The following COMMD6 variants were observed in gnomAD, a reference collection of about 807,000 sequenced individuals.
COMMD6 encodes COMM domain containing 6.
A neutral mutation model predicts 13.4 loss-of-function variants in COMMD6; 11 were observed. That is an observed-to-expected ratio of 0.82 (90% CI 0.52 to 1.36). COMMD6 has a LOEUF of 1.36. COMMD6 is among the 40% of genes most tolerant of loss of function. The pLI, the probability that COMMD6 is intolerant of heterozygous loss-of-function variation, is 0.00. For synonymous variants in COMMD6, 43 were observed against 36.5 expected (o/e 1.18, Z -0.64); for missense variants, 124 against 102.4 (o/e 1.21, Z -0.91).
upstream of COMMD6, among the ~76,000 whole-genome samples, chr13:75,539,174 T>C (rs1407999703): frequency 6.6e-6 from 1 of 152,036 alleles, no homozygotes; most frequent in Non-Finnish European, 1.5e-5. Flanking sequence ...CTGAAAAAAT[T>C]CTCTGTTTCT....
intron 3 of COMMD6, chr13:75,527,717 C>T: frequency 8.2e-7 from 1 of 1,221,538 alleles, no homozygotes; most frequent in Non-Finnish European, 1.0e-6. Flanking sequence ...ATGGATGAAC[C>T]TGGAGGACAT....
chr13:75,529,520 C>CAAAAAAAAAAAAAAA (rs58073558), intron 3 of COMMD6, among the ~76,000 whole-genome samples: 2 of 104,632 alleles, frequency 1.9e-5, no homozygotes, highest in African/African-American at 7.4e-5. Flanking sequence ...GACTCCGTCT[C>CAAAAAAAAAAAAAAA]AAAAAAAAAA....
Position 75,525,387 on chromosome 13 carries a change from A to G in COMMD6, c.*1202T>C, listed in dbSNP as rs556180559. The G allele has an allele frequency of 1.2e-4, 19 of 152,300 alleles. No individual in the cohort carries two copies. The highest frequency in any genetic ancestry group is 4.6e-4 in the African/African-American group (19 of 41,564). 9.4% of individuals were successfully genotyped at this position (152,300 alleles called of 1,614,324 possible). A position where few individuals can be genotyped will look rare whatever the true frequency, so the allele number is the denominator to read the frequency against. On this transcript the variant is annotated 3_prime_UTR_variant, in exon 4 of 4. Coordinates refer to ENST00000682242, the MANE Select transcript of COMMD6 (RefSeq NM_203495.4). ...AGTGGGAGACAGAGGAACCTCATGCACAGTTACAGAAGGCAGGTTTGCTGT... is the reference window on the plus strand; with the variant it reads ...AGTGGGAGACAGAGGAACCTCATGCGCAGTTACAGAAGGCAGGTTTGCTGT...
intron 2 of COMMD6, among the ~76,000 whole-genome samples, chr13:75,533,649 T>C (rs567706712): frequency 2.0e-5 from 3 of 151,902 alleles, no homozygotes; most frequent in East Asian, 3.9e-4. Context: ...TCTGAAGTTA[T>C]GTAAGTGCCT....
intron 1 of COMMD6, among the ~76,000 whole-genome samples, chr13:75,548,607 A>AT: frequency 6.6e-6 from 1 of 152,166 alleles, no homozygotes; most frequent in Non-Finnish European, 1.5e-5. Flanking sequence ...TACTGTTTTA[A>AT]TTTTTTCAGC....
At chr13:75,533,076 G>A (rs1344553780) in intron 2 of COMMD6, among the ~76,000 whole-genome samples, 4 of 151,442 alleles carry the variant, frequency 2.6e-5, no homozygotes, top group Non-Finnish European at 5.9e-5. Flanking sequence ...GACTACAGGC[G>A]CCCGCCACCA....
rs753130520 is a variant in COMMD6, at chr13:75,530,283, CA to C, written c.55-18del. The C allele has an allele frequency of 2.0e-5, 32 of 1,584,730 alleles. No individual in the cohort carries two copies. In the South Asian group the frequency reaches 2.6e-4, roughly 13 times the overall value. ...ATCTACAAGCTTTAATAAGACAGGA[CA>C]AAATAATACATTAGTAGTAACATTA... On this transcript the variant is annotated intron_variant, in intron 2 of 3. Transcript: ENST00000682242.
chr13:75,545,532 G>A (rs2030893042), intron 1 of COMMD6, among the ~76,000 whole-genome samples: 1 of 151,740 alleles, frequency 6.6e-6, no homozygotes, highest in African/African-American at 2.4e-5. Context: ...CGTGGCGGTG[G>A]CGCTATCTCT....
chr13:75,537,277 A>G (rs1301759141), intron 2 of COMMD6: 45 of 1,509,010 alleles, frequency 3.0e-5, no homozygotes, highest in Non-Finnish European at 3.4e-5. Flanking sequence ...CTAAAAGGCT[A>G]AAATGCTATA....
At chr13:75,528,694 T>C (rs1468915059) in intron 3 of COMMD6, among the ~76,000 whole-genome samples, 1 of 151,586 alleles carries the variant, frequency 6.6e-6, no homozygotes, top group East Asian at 1.9e-4. Flanking sequence ...ATACAAAAAT[T>C]AGCTGGGCGT....
chr13:75,529,392 G>A (rs1197143276), intron 3 of COMMD6, among the ~76,000 whole-genome samples: 1 of 151,764 alleles, frequency 6.6e-6, no homozygotes, highest in East Asian at 1.9e-4. Context: ...ATGGTGGTGG[G>A]CGCCTGTAGT....
intron 2 of COMMD6, 191 bp from the exon 3 acceptor site, chr13:75,530,457 T>A: frequency 2.6e-6 from 1 of 387,368 alleles, no homozygotes; most frequent in Non-Finnish European, 4.5e-6. Context: ...ATAAGGGATA[T>A]AAACAGTTAA....
chr13:75,542,404 C>T (rs749519104), upstream of COMMD6, among the ~76,000 whole-genome samples: 2 of 151,762 alleles, frequency 1.3e-5, no homozygotes, highest in East Asian at 3.9e-4. Context: ...ATTCTCCTGC[C>T]TTAGCCTCTC....
In COMMD6 at chr13:75,525,610, T is replaced by C. The variant is rs909728053; in HGVS notation, c.*979A>G. The stretch of plus-strand genomic sequence containing the variant: ...CCCATCAGCTAACTCATCAAGCTGG[T>C]AGGAATCTGAGCGCACAGGTGGGCT... On this transcript the variant is annotated 3_prime_UTR_variant, in exon 4 of 4. Coordinates refer to ENST00000682242, the MANE Select transcript of COMMD6 (RefSeq NM_203495.4). The C allele has an allele frequency of 6.6e-6, 1 of 152,270 alleles. No individual in the cohort carries two copies. Among genetic ancestry groups the C allele is most frequent in the East Asian group, 1.9e-4 (1 of 5,200 alleles). The allele number at this position is 152,270 out of a possible 1,614,324, so 9.4% of individuals were successfully genotyped here.
intron 2 of COMMD6, among the ~76,000 whole-genome samples, chr13:75,532,942 T>C (rs573961641): frequency 6.6e-6 from 1 of 151,476 alleles, no homozygotes; most frequent in African/African-American, 2.4e-5. Flanking sequence ...TGTTTTTTTT[T>C]TTTTTTGAGA....
intron 3 of COMMD6, among the ~76,000 whole-genome samples, chr13:75,528,666 A>G (rs2030354056): frequency 6.6e-6 from 1 of 151,992 alleles, no homozygotes; most frequent in Non-Finnish European, 1.5e-5. Context: ...ACATGGTGAA[A>G]CCTCATCTCT....
chr13:75,531,895 A>G (rs1414702526), intron 2 of COMMD6, among the ~76,000 whole-genome samples: 3 of 152,256 alleles, frequency 2.0e-5, no homozygotes, highest in Admixed American at 2.0e-4. Flanking sequence ...CAGGATACAT[A>G]TATGAAAATG....
intron 2 of COMMD6, among the ~76,000 whole-genome samples, chr13:75,530,689 TAC>T (rs1468182559): frequency 1.3e-5 from 2 of 152,224 alleles, no homozygotes; most frequent in Non-Finnish European, 2.9e-5. Context: ...GACAGATACA[TAC>T]CCTGGGTGAT....
chr13:75,535,513 T>C (rs1246690995), intron 2 of COMMD6, among the ~76,000 whole-genome samples: 3 of 152,170 alleles, frequency 2.0e-5, no homozygotes, highest in East Asian at 3.8e-4. Context: ...GAGGTGAATT[T>C]AGAGTGAGAG....
Sources: gnomAD v4.1 joint callset for allele counts (sites outside exome capture counted in the v4.1 genomes callset) on GRCh38, gnomAD v4.1.1 for gene constraint, MANE v1.5 for transcripts, NCBI Gene and HGNC (gene_info 2026-07-23, HGNC 2026-07-21) for gene names.